NBAS: variants seen among roughly 807,000 people sequenced by gnomAD.
NBAS encodes the protein NAG/BC035112 fusion.
Under a neutral mutation model 302.5 loss-of-function variants are expected in NBAS, and 219 were observed. The observed-to-expected ratio is 0.72, with a 90% CI of 0.65 to 0.81. NBAS has a LOEUF of 0.81. NBAS is among the 30% of genes least tolerant of loss of function. The probability of loss-of-function intolerance (pLI) is 0.00; values close to 1 mark genes in which losing one functional copy is unlikely to be tolerated. For missense variants in NBAS, 2,932 were observed against 2,841.6 expected (o/e 1.03, Z -0.72); for synonymous variants, 1,118 against 1,021.6 (o/e 1.09, Z -1.80).
intron 31 of NBAS, among the ~76,000 whole-genome samples, chr2:15,372,033 A>G (rs1674512414): frequency 6.6e-6 from 1 of 152,176 alleles, no homozygotes; most frequent in Admixed American, 6.5e-5. Context: ...TAGTACCCCC[A>G]TTTGGTAAAT....
the NBAS span, among the ~76,000 whole-genome samples, chr2:14,950,350 C>T: frequency 6.6e-6 from 1 of 152,238 alleles, no homozygotes; most frequent in Non-Finnish European, 1.5e-5. Context: ...TAATTCATTC[C>T]TTTTTGTGGC....
At chr2:14,932,355 A>G in the NBAS span, among the ~76,000 whole-genome samples, 4 of 152,224 alleles carry the variant, frequency 2.6e-5, no homozygotes, top group African/African-American at 7.2e-5. Context: ...TGACCCACTG[A>G]CAGCACCTAC....
chr2:15,338,901 T>C (rs1228181669), intron 35 of NBAS, among the ~76,000 whole-genome samples: 3 of 152,050 alleles, frequency 2.0e-5, no homozygotes, highest in African/African-American at 7.2e-5. Flanking sequence ...TAGTCCTAGC[T>C]ACTTGGGGGG....
intron 31 of NBAS, among the ~76,000 whole-genome samples, chr2:15,372,277 A>C (rs1997306): frequency 0.62 from 94,718 of 151,758 alleles, 30,291 homozygotes; most frequent in Middle Eastern, 0.68. Context: ...TACACACACA[A>C]AAATATTTCA....
chr2:14,837,654 A>G, the NBAS span, among the ~76,000 whole-genome samples: 1 of 151,770 alleles, frequency 6.6e-6, no homozygotes, highest in East Asian at 1.9e-4. Flanking sequence ...TTTCATTAGA[A>G]TACTTAACTC....
the NBAS span, among the ~76,000 whole-genome samples, chr2:14,838,797 T>C: frequency 6.6e-6 from 1 of 151,952 alleles, no homozygotes; most frequent in Non-Finnish European, 1.5e-5. Flanking sequence ...CACACATAAC[T>C]TTAAGTTACT....
intron 2 of NBAS, among the ~76,000 whole-genome samples, chr2:15,557,277 T>TA (rs1664688572): frequency 6.6e-6 from 1 of 152,274 alleles, no homozygotes; most frequent in African/African-American, 2.4e-5. Context: ...TAACACGCTA[T>TA]AAAAAACAAT....
chr2:15,458,479 G>C (rs111632774), intron 21 of NBAS, among the ~76,000 whole-genome samples: 6 of 152,234 alleles, frequency 3.9e-5, no homozygotes, highest in African/African-American at 1.4e-4. Flanking sequence ...CACTCAGTTA[G>C]TTCCAGTTGT....
chr2:15,117,260 G>T, the NBAS span, among the ~76,000 whole-genome samples: 1 of 152,178 alleles, frequency 6.6e-6, no homozygotes, highest in African/African-American at 2.4e-5. Context: ...TGCACCCAAA[G>T]CCAGGCTGAA....
At chr2:14,812,074 T>C in the NBAS span, among the ~76,000 whole-genome samples, 1 of 152,176 alleles carries the variant, frequency 6.6e-6, no homozygotes, top group Non-Finnish European at 1.5e-5. Flanking sequence ...GGCACTGGGA[T>C]AGCTAAATGA....
At chr2:15,157,157 C>T in the NBAS span, among the ~76,000 whole-genome samples, 79 of 152,240 alleles carry the variant, frequency 5.2e-4, 1 homozygote, top group South Asian at 0.012. Flanking sequence ...GGTGTCTTTC[C>T]CGCCTGAGTG....
At chr2:15,213,169 G>C (rs1159273479) in intron 48 of NBAS, among the ~76,000 whole-genome samples, 1 of 152,146 alleles carries the variant, frequency 6.6e-6, no homozygotes, top group South Asian at 2.1e-4. Flanking sequence ...ACAGAGCTAG[G>C]GACTGGTGGC....
At chr2:15,190,770 T>TC (rs758911787) in intron 48 of NBAS, among the ~76,000 whole-genome samples, 16 of 152,188 alleles carry the variant, frequency 1.1e-4, no homozygotes, top group Non-Finnish European at 1.8e-4. Context: ...GTTTAAGTTA[T>TC]CCCAACATGA....
the NBAS span, among the ~76,000 whole-genome samples, chr2:15,133,862 TTGAA>T: frequency 6.6e-6 from 1 of 152,112 alleles, no homozygotes; most frequent in Non-Finnish European, 1.5e-5. Flanking sequence ...ATCTTCCTGA[TTGAA>T]TGATCACTCT....
In NBAS at chr2:15,411,278, C is replaced by T. The variant is rs115393094; in HGVS notation, c.2937+4268G>A. On this transcript the variant is annotated intron_variant, in intron 25 of 51. Coordinates refer to ENST00000281513, the MANE Select transcript of NBAS (RefSeq NM_015909.4). Reference sequence around the variant, plus strand: ...CAAGATAGGTATTAAAATTCACTCCCCTACAGGTTTCAAGACCACAATCCC... The same window carrying T: ...CAAGATAGGTATTAAAATTCACTCCTCTACAGGTTTCAAGACCACAATCCC... 6.7e-3 allele frequency among the ~76,000 whole-genome samples: 1,025 copies of T among 152,214 alleles called. 12 individuals are homozygous for T. The highest frequency in any genetic ancestry group is 0.022 in the African/African-American group (924 of 41,514).
chr2:15,511,327 T>G lies in NBAS; in HGVS notation c.770A>C (p.Glu257Ala). 6.2e-7 allele frequency: 1 copy of G among 1,614,070 alleles called. No individual in the cohort carries two copies. Among genetic ancestry groups the G allele is most frequent in the South Asian group, 1.1e-5 (1 of 91,078 alleles). Residue 257 changes from glutamate to alanine, a missense_variant, in exon 10 of 52, where the codon GAA (glutamate) becomes GCA (alanine). Coordinates refer to ENST00000281513, the MANE Select transcript of NBAS (RefSeq NM_015909.4). ...TTTTGACATGCCTACTTCAGCAGTT[T>G]CACATCCACCAACAAGTAAAAGTCT... ...GHRLLLVGGCETAEVGMSKAS... is the reference protein window; with the variant it reads ...GHRLLLVGGCATAEVGMSKAS...
chr2:15,308,410 T>C, intron 39 of NBAS, 57 bp from the exon 40 acceptor site: 4 of 1,580,040 alleles, frequency 2.5e-6, no homozygotes, highest in Admixed American at 1.8e-5. Flanking sequence ...AAGATCATTA[T>C]AAACCATTAT....
At chr2:15,514,898 A>G (rs1044614945) in intron 9 of NBAS, among the ~76,000 whole-genome samples, 7 of 152,168 alleles carry the variant, frequency 4.6e-5, no homozygotes, top group African/African-American at 1.7e-4. Context: ...TCCCCTAAGA[A>G]CAAAAGGGAT....
chr2:15,167,072 G>T lies in NBAS; in HGVS notation c.7092C>A (p.Leu2364=), dbSNP rs2125093877. ...HQAFRTFSTA[L]RAAQHWV is the part of the protein sequence containing the mutation. The stretch of plus-strand genomic sequence containing the variant: ...CTCACACCCAGTGCTGTGCTGCGCG[G>T]AGGGCTGTACTGAAGGTTCTGAAGG... Residue 2364 remains leucine, a synonymous_variant, in exon 52 of 52, where the codon CTC becomes CTA. Coordinates refer to ENST00000281513, the MANE Select transcript of NBAS (RefSeq NM_015909.4). 1 of 1,601,192 alleles carries T rather than the reference G, an allele frequency of 6.2e-7. No individual in the cohort carries two copies. The highest frequency in any genetic ancestry group is 8.5e-7 in the Non-Finnish European group (1 of 1,172,000).
Sources: allele counts gnomAD v4.1 joint callset (sites outside exome capture counted in the v4.1 genomes callset), GRCh38; gene constraint gnomAD v4.1.1; transcripts MANE v1.5; gene names NCBI Gene and HGNC (gene_info 2026-07-23, HGNC 2026-07-21).